GAS2: variants seen among roughly 807,000 people sequenced by gnomAD.
GAS2 encodes the protein growth arrest specific 2.
A neutral mutation model predicts 37.5 loss-of-function variants in GAS2; 20 were observed. That is an observed-to-expected ratio of 0.53 (90% confidence interval 0.37 to 0.77). The LOEUF (loss-of-function observed/expected upper bound fraction) is 0.77, where lower values mean the gene tolerates loss of function less well. GAS2 is among the 30% of genes least tolerant of loss of function. The probability of loss-of-function intolerance (pLI) is 0.00; values close to 1 mark genes in which losing one functional copy is unlikely to be tolerated. For missense variants in GAS2, 336 were observed against 373.4 expected, an observed-to-expected ratio of 0.90 and a Z score of 0.82; for synonymous variants, 144 against 132.2, an observed-to-expected ratio of 1.09 and a Z score of -0.61.
intron 7 of GAS2, among the ~76,000 whole-genome samples, chr11:22,799,352 C>T (rs1856562728): frequency 1.3e-5 from 2 of 151,984 alleles, no homozygotes; most frequent in African/African-American, 4.8e-5. Flanking sequence ...CTGCTGTAAA[C>T]CATGTATTTT....
chr11:22,723,670 C>T lies in GAS2; in HGVS notation c.268-2622C>T, dbSNP rs79008729. 2.0e-3 allele frequency among the ~76,000 whole-genome samples: 301 copies of T among 151,926 alleles called. 7 individuals carry two copies. In the East Asian group the frequency reaches 0.048, roughly 24 times the overall value. On this transcript the variant is annotated intron_variant, in intron 3 of 7. Transcript: ENST00000454584. ...CTAGATTATAGTTTTTACATGCAAACTCGTATATTGATTTGAAGTGGTAGT... is the reference window on the plus strand; with the variant it reads ...CTAGATTATAGTTTTTACATGCAAATTCGTATATTGATTTGAAGTGGTAGT...
chr11:22,644,923 C>T lies in GAS2; in HGVS notation c.-21+19110C>T, dbSNP rs963478951. Reference sequence around the variant, plus strand: ...ACAGGCATGAGCCACCACTACCGGCCGCCTATTTCTTGTTATCTTAGAATG... The same window carrying T: ...ACAGGCATGAGCCACCACTACCGGCTGCCTATTTCTTGTTATCTTAGAATG... On this transcript the variant is annotated intron_variant, in intron 1 of 5. Coordinates refer to the GAS2 transcript ENST00000528582. 7.0e-4 allele frequency among the ~76,000 whole-genome samples: 107 copies of T among 152,256 alleles called. 1 individual carries two copies. Among genetic ancestry groups the T allele is most frequent in the African/African-American group, 2.3e-3 (94 of 41,556 alleles).
At chr11:22,809,167 A>G (rs1857025776) in intron 7 of GAS2, among the ~76,000 whole-genome samples, 1 of 152,208 alleles carries the variant, frequency 6.6e-6, no homozygotes, top group Admixed American at 6.5e-5. Context: ...TGCTTGCTAC[A>G]TAGAAAGCTA....
At chr11:22,725,230 G>A (rs1016283138) in intron 3 of GAS2, among the ~76,000 whole-genome samples, 2 of 151,918 alleles carry the variant, frequency 1.3e-5, no homozygotes, top group South Asian at 2.1e-4. Flanking sequence ...AAAATTTTAC[G>A]AGATGGTTAA....
In GAS2 at chr11:22,680,589, T is replaced by G. The variant is rs570839594; in HGVS notation, c.146-5079T>G. The stretch of plus-strand genomic sequence containing the variant: ...TTAGGGATTAAAAATATACCAACTT[T>G]CTTCTTCAGTGAATCATGCCAAATA... On this transcript the variant is annotated intron_variant, in intron 2 of 7. Transcript: ENST00000454584. 4.1e-4 allele frequency among the ~76,000 whole-genome samples: 63 copies of G among 152,256 alleles called. 1 individual carries two copies. Among genetic ancestry groups the G allele is most frequent in the South Asian group, 1.0e-3 (5 of 4,822 alleles).
At chr11:22,648,700 T>G (rs902876920) in intron 1 of GAS2, among the ~76,000 whole-genome samples, 8 of 152,250 alleles carry the variant, frequency 5.3e-5, no homozygotes, top group African/African-American at 1.9e-4. Context: ...TGAATGGGAT[T>G]TCACTCATGA....
At chr11:22,637,695 A>G (rs1471866655) in intron 1 of GAS2, among the ~76,000 whole-genome samples, 1 of 140,958 alleles carries the variant, frequency 7.1e-6, no homozygotes, top group African/African-American at 2.6e-5. Context: ...CAATAATAAT[A>G]TAATATAAAT....
intron 7 of GAS2, among the ~76,000 whole-genome samples, chr11:22,764,343 G>A (rs922461486): frequency 1.8e-4 from 28 of 151,894 alleles, no homozygotes; most frequent in Non-Finnish European, 3.4e-4. Flanking sequence ...GGCGGATCAC[G>A]AGGTCAGGAG....
At chr11:22,712,515 A>G (rs1851457593) in intron 3 of GAS2, among the ~76,000 whole-genome samples, 1 of 152,188 alleles carries the variant, frequency 6.6e-6, no homozygotes, top group Non-Finnish European at 1.5e-5. Flanking sequence ...GCACCACATC[A>G]AAGGATTACC....
At chr11:22,640,819 T>TG (rs1858900539) in intron 1 of GAS2, among the ~76,000 whole-genome samples, 1 of 151,980 alleles carries the variant, frequency 6.6e-6, no homozygotes, top group Non-Finnish European at 1.5e-5. Context: ...TGCTTTGGTC[T>TG]GAAAAAGTTT....
chr11:22,716,380 C>A (rs1851676893), intron 3 of GAS2, among the ~76,000 whole-genome samples: 2 of 152,122 alleles, frequency 1.3e-5, no homozygotes, highest in African/African-American at 4.8e-5. Flanking sequence ...GGGCTCATGA[C>A]CATAATCCCA....
rs1221111978 is a variant in GAS2, at chr11:22,812,873, T to C, written c.*857T>C. 3 of 152,652 alleles carry C rather than the reference T, an allele frequency of 2.0e-5. No homozygotes were observed. The highest frequency in any genetic ancestry group is 4.4e-5 in the Non-Finnish European group (3 of 68,030). 9.5% of individuals were successfully genotyped at this position (152,652 alleles called of 1,614,324 possible). A position where few individuals can be genotyped will look rare whatever the true frequency, so the allele number is the denominator to read the frequency against. ...ATGCTTTCTAGTAAAGTAAATTCAC[T>C]GTAGCTAATGATGTTACAGACTTAC... is the stretch of plus-strand genomic sequence containing the variant. On this transcript the variant is annotated 3_prime_UTR_variant, in exon 8 of 8. Coordinates refer to ENST00000454584, the MANE Select transcript of GAS2 (RefSeq NM_001143830.3).
chr11:22,704,591 A>ATC (rs998625249), intron 3 of GAS2, among the ~76,000 whole-genome samples: 1 of 104,476 alleles, frequency 9.6e-6, no homozygotes, highest in Non-Finnish European at 1.8e-5. Flanking sequence ...AAATAAACAT[A>ATC]TATATATATA....
chr11:22,797,192 T>G (rs1457896445), intron 7 of GAS2, among the ~76,000 whole-genome samples: 1 of 152,026 alleles, frequency 6.6e-6, no homozygotes, highest in African/African-American at 2.4e-5. Flanking sequence ...CAGTTGGCGT[T>G]AAGTGCTCCT....
intron 2 of GAS2, among the ~76,000 whole-genome samples, chr11:22,678,463 T>C (rs1420731428): frequency 1.3e-5 from 2 of 152,016 alleles, no homozygotes; most frequent in East Asian, 3.8e-4. Flanking sequence ...TTGAAAGAGA[T>C]AAAACGTAAA....
At chr11:22,774,612 T>A (rs1189805001) in intron 7 of GAS2, among the ~76,000 whole-genome samples, 1 of 152,224 alleles carries the variant, frequency 6.6e-6, no homozygotes, top group Admixed American at 6.5e-5. Flanking sequence ...CTAAAGGCAG[T>A]ATTTGGTATG....
intron 3 of GAS2, among the ~76,000 whole-genome samples, chr11:22,713,980 G>A (rs951750239): frequency 2.6e-5 from 4 of 151,878 alleles, no homozygotes; most frequent in Middle Eastern, 3.4e-3. Context: ...AAAAAAACAG[G>A]GTATTCAGGT....
chr11:22,679,943 A>G (rs1180261278), intron 2 of GAS2, among the ~76,000 whole-genome samples: 3 of 152,180 alleles, frequency 2.0e-5, no homozygotes, highest in Admixed American at 6.5e-5. Flanking sequence ...GTACATGCAT[A>G]TAAAAGAAAA....
chr11:22,710,902 A>G (rs1382253394), intron 3 of GAS2, among the ~76,000 whole-genome samples: 2 of 152,136 alleles, frequency 1.3e-5, no homozygotes, highest in African/African-American at 4.8e-5. Context: ...CCCAAAGTCT[A>G]TGTTAATTCT....
Sources: allele counts gnomAD v4.1 joint callset (sites outside exome capture counted in the v4.1 genomes callset), GRCh38; gene constraint gnomAD v4.1.1; transcripts MANE v1.5; gene names NCBI Gene and HGNC (gene_info 2026-07-23, HGNC 2026-07-21).